Variants in UMAD1 observed in about 807,000 individuals in gnomAD.
UMAD1 encodes the protein UBAP1-MVB12-associated (UMA) domain containing 1.
A neutral mutation model predicts 6.1 loss-of-function variants in UMAD1; 8 were observed. The ratio of observed to expected loss-of-function variants is 1.30; its 90% CI spans 0.76 to 2.35. The LOEUF (loss-of-function observed/expected upper bound fraction) is 2.35, where lower values mean the gene tolerates loss of function less well. Among genes scored for constraint, UMAD1 ranks in the 30% most tolerant of loss-of-function variants. The probability of loss-of-function intolerance (pLI) is 0.00; values close to 1 mark genes in which losing one functional copy is unlikely to be tolerated. For missense variants in UMAD1, 130 were observed against 78.4 expected, an observed-to-expected ratio of 1.66 and a Z score of -2.49; for synonymous variants, 56 against 31.4, an observed-to-expected ratio of 1.78 and a Z score of -2.61.
At chr7:7,827,135 A>ATGTG (rs1178394302) in intron 3 of UMAD1, among the ~76,000 whole-genome samples, 7,234 of 114,084 alleles carry the variant, frequency 0.063, 190 homozygotes, top group Non-Finnish European at 0.069. Flanking sequence ...ATATATATAT[A>ATGTG]TATATATATA....
intron 2 of UMAD1, among the ~76,000 whole-genome samples, chr7:7,684,473 T>G (rs903774436): frequency 1.3e-5 from 2 of 152,032 alleles, no homozygotes; most frequent in African/African-American, 4.8e-5. Flanking sequence ...CCTCCCAAAG[T>G]GTTGGGATTA....
chr7:7,821,453 A>T (rs1783239803), intron 3 of UMAD1, among the ~76,000 whole-genome samples: 1 of 152,218 alleles, frequency 6.6e-6, no homozygotes, highest in African/African-American at 2.4e-5. Context: ...GCTATCAAAA[A>T]ATTTAAAATT....
At chr7:7,763,570 T>C (rs1346941306) in intron 2 of UMAD1, among the ~76,000 whole-genome samples, 3 of 152,244 alleles carry the variant, frequency 2.0e-5, no homozygotes, top group Non-Finnish European at 4.4e-5. Context: ...TTTAAAAATT[T>C]AAATATATTT....
intron 3 of UMAD1, among the ~76,000 whole-genome samples, chr7:7,804,153 TG>T (rs1423020424): frequency 1.3e-5 from 2 of 152,138 alleles, no homozygotes; most frequent in Non-Finnish European, 2.9e-5. Flanking sequence ...AAGTACCGGC[TG>T]GGCAATGAGA....
chr7:7,854,924 C>G lies in UMAD1; in HGVS notation c.157-22357C>G, dbSNP rs140014313. 2.1e-3 allele frequency among the ~76,000 whole-genome samples: 318 copies of G among 152,324 alleles called. 2 individuals are homozygous for G. The highest frequency in any genetic ancestry group is 7.4e-3 in the African/African-American group (307 of 41,560). On this transcript the variant is annotated intron_variant, in intron 3 of 3. Transcript: ENST00000682710. Reference sequence around the variant, plus strand: ...GCATTGGGTAGATATACTTGTCCCACATGGGAGAAATGGGCCAAAACAAAG... The same window carrying G: ...GCATTGGGTAGATATACTTGTCCCAGATGGGAGAAATGGGCCAAAACAAAG...
chr7:7,776,076 T>A (rs1782200449), intron 2 of UMAD1, among the ~76,000 whole-genome samples: 1 of 152,138 alleles, frequency 6.6e-6, no homozygotes, highest in South Asian at 2.1e-4. Flanking sequence ...AAAACTATTT[T>A]AAAAAATCAT....
chr7:7,850,395 C>G (rs182173055), intron 3 of UMAD1, among the ~76,000 whole-genome samples: 2 of 152,086 alleles, frequency 1.3e-5, no homozygotes, highest in African/African-American at 4.8e-5. Flanking sequence ...AGCTCTTTCT[C>G]AATTCAGAAA....
intron 2 of UMAD1, among the ~76,000 whole-genome samples, chr7:7,735,027 G>A: frequency 6.6e-6 from 1 of 151,986 alleles, no homozygotes. Flanking sequence ...TATTATTTTA[G>A]TAGTTTCTGT....
At chr7:7,812,867 G>T (rs1278591985) in intron 3 of UMAD1, among the ~76,000 whole-genome samples, 1 of 141,452 alleles carries the variant, frequency 7.1e-6, no homozygotes, top group African/African-American at 2.6e-5. Context: ...GTCCTCCTTT[G>T]GTTTATATTA....
intron 2 of UMAD1, chr7:7,718,494 C>T (rs1251045836): frequency 2.0e-5 from 3 of 152,130 alleles, no homozygotes; most frequent in African/African-American, 7.2e-5. Context: ...ATGTATCCAA[C>T]AAATTCAAAC....
intron 3 of UMAD1, among the ~76,000 whole-genome samples, chr7:7,859,710 G>C (rs1784079894): frequency 6.6e-6 from 1 of 152,138 alleles, no homozygotes. Flanking sequence ...AAGTCTTGCA[G>C]ATTAATTTTC....
chr7:7,786,916 G>A (rs1168499213), intron 2 of UMAD1, among the ~76,000 whole-genome samples: 2 of 152,172 alleles, frequency 1.3e-5, no homozygotes, highest in Admixed American at 1.3e-4. Context: ...GAGTGAAGCC[G>A]CTACTCTTAG....
intron 3 of UMAD1, among the ~76,000 whole-genome samples, chr7:7,874,662 CA>C (rs1784384861): frequency 6.6e-6 from 1 of 152,086 alleles, no homozygotes; most frequent in Non-Finnish European, 1.5e-5. Flanking sequence ...ACTAAAAATA[CA>C]AAAAGTAGCT....
At chr7:7,690,524 G>A (rs1780148318) in intron 2 of UMAD1, among the ~76,000 whole-genome samples, 1 of 152,018 alleles carries the variant, frequency 6.6e-6, no homozygotes, top group Non-Finnish European at 1.5e-5. Flanking sequence ...TATAAATTGA[G>A]CTGCAGTTTT....
intron 2 of UMAD1, among the ~76,000 whole-genome samples, chr7:7,767,126 C>CTTTTTTTTTTTTTTTT (rs755296058): frequency 9.3e-6 from 1 of 107,682 alleles, no homozygotes; most frequent in African/African-American, 3.7e-5. Context: ...AGAAATTAAG[C>CTTTTTTTTTTTTTTTT]TCTTTTTTTT....
intron 2 of UMAD1, among the ~76,000 whole-genome samples, chr7:7,758,560 T>C (rs1781826360): frequency 6.6e-6 from 1 of 152,244 alleles, no homozygotes; most frequent in African/African-American, 2.4e-5. Context: ...TCAGCCTCCA[T>C]TGAAGAAGCC....
At chr7:7,645,597 A>G (rs1282861312) in intron 1 of UMAD1, among the ~76,000 whole-genome samples, 4 of 152,182 alleles carry the variant, frequency 2.6e-5, no homozygotes, top group Admixed American at 2.0e-4. Context: ...ATTTCTGTTT[A>G]TTAGATTAAG....
In UMAD1 at chr7:7,863,404, T is replaced by C. The variant is rs556056710; in HGVS notation, c.157-13877T>C. Among the ~76,000 whole-genome samples, 5 of 152,376 alleles carry C rather than the reference T, an allele frequency of 3.3e-5. No individual in the cohort carries two copies. The East Asian group carries it at 9.6e-4, about 29-fold the overall frequency. ...TTTCCAAGGTTCTGATGAGAACTTT[T>C]CTGATCTCTTAGATCTAACTGAGTT... On this transcript the variant is annotated intron_variant, in intron 3 of 3. Coordinates refer to ENST00000682710, the MANE Select transcript of UMAD1 (RefSeq NM_001302348.2).
intron 3 of UMAD1, among the ~76,000 whole-genome samples, chr7:7,823,287 G>A (rs1057203817): frequency 5.9e-5 from 9 of 152,066 alleles, no homozygotes; most frequent in African/African-American, 2.2e-4. Flanking sequence ...AACTATGATT[G>A]CCAGATTTAG....
Sources: allele counts gnomAD v4.1 joint callset (sites outside exome capture counted in the v4.1 genomes callset), GRCh38; gene constraint gnomAD v4.1.1; transcripts MANE v1.5; gene names NCBI Gene and HGNC (gene_info 2026-07-23, HGNC 2026-07-21).